OPCML: variants seen among roughly 807,000 people sequenced by gnomAD.
The protein encoded by OPCML is opioid-binding protein/cell adhesion molecule.
In OPCML, 13 loss-of-function variants were observed where a neutral mutation model predicts 37.8. The ratio of observed to expected loss-of-function variants is 0.34; its 90% CI spans 0.22 to 0.55. OPCML has a LOEUF of 0.55. OPCML is among the 20% of genes least tolerant of loss of function. The pLI is 0.91. For missense variants in OPCML, 341 were observed against 435.6 expected, an observed-to-expected ratio of 0.78 and a Z score of 1.93; for synonymous variants, 176 against 168.8, an observed-to-expected ratio of 1.04 and a Z score of -0.33.
intron 2 of OPCML, among the ~76,000 whole-genome samples, chr11:132,914,726 G>A (rs938115388): frequency 2.0e-5 from 3 of 152,188 alleles, no homozygotes; most frequent in Non-Finnish European, 4.4e-5. Context: ...CAGCCACTGA[G>A]TCATGAACAA....
At chr11:133,296,674 G>C (rs2136554271) in intron 1 of OPCML, among the ~76,000 whole-genome samples, 1 of 152,310 alleles carries the variant, frequency 6.6e-6, no homozygotes, top group Non-Finnish European at 1.5e-5. Context: ...GAACAAGGCA[G>C]ATTGACTTTT....
chr11:132,831,804 C>T (rs1433246606), intron 2 of OPCML, among the ~76,000 whole-genome samples: 1 of 151,912 alleles, frequency 6.6e-6, no homozygotes, highest in Non-Finnish European at 1.5e-5. Flanking sequence ...CTGTACAAAC[C>T]TTGTGGCAAT....
intron 1 of OPCML, among the ~76,000 whole-genome samples, chr11:133,434,312 G>C (rs1253524149): frequency 6.6e-6 from 1 of 152,038 alleles, no homozygotes; most frequent in African/African-American, 2.4e-5. Flanking sequence ...GTCCGGAAAA[G>C]TGCTGCCTCC....
At chr11:133,348,252 A>C (rs1944045600) in intron 1 of OPCML, among the ~76,000 whole-genome samples, 1 of 152,180 alleles carries the variant, frequency 6.6e-6, no homozygotes, top group Non-Finnish European at 1.5e-5. Context: ...TTGATTCACC[A>C]GAGCCCAGAT....
At chr11:133,526,667 G>A (rs1194806780) in intron 1 of OPCML, among the ~76,000 whole-genome samples, 2 of 152,168 alleles carry the variant, frequency 1.3e-5, no homozygotes, top group Non-Finnish European at 2.9e-5. Flanking sequence ...TCCAGCAAGT[G>A]GAACTACATC....
intron 1 of OPCML, among the ~76,000 whole-genome samples, chr11:133,022,409 A>G (rs76782628): frequency 0.022 from 3,415 of 152,236 alleles, 50 homozygotes; most frequent in Middle Eastern, 0.068. Flanking sequence ...CGTTACATGG[A>G]TAGACAGTGT....
At position 133,156,877 on chromosome 11, in the gene OPCML, C is replaced by G. The variant is rs192936134; in HGVS notation, c.62-213867G>C. 3.6e-3 allele frequency among the ~76,000 whole-genome samples: 552 copies of G among 152,198 alleles called. 1 individual carries two copies. Among genetic ancestry groups the G allele is most frequent in the Non-Finnish European group, 5.6e-3 (381 of 68,034 alleles). Reference sequence around the variant, plus strand: ...ATTGCCTGAAAACCTGAGTAAGACACCTAAGAGTTTCTCTCTTGCTGGAGC... The same window carrying G: ...ATTGCCTGAAAACCTGAGTAAGACAGCTAAGAGTTTCTCTCTTGCTGGAGC... On this transcript the variant is annotated intron_variant, in intron 1 of 7. Coordinates refer to ENST00000524381, the MANE Select transcript of OPCML (RefSeq NM_001012393.5).
intron 1 of OPCML, chr11:133,024,369 GAACTTAACTCATTA>G: frequency 1.0e-6 from 1 of 985,320 alleles, no homozygotes; most frequent in Non-Finnish European, 1.2e-6. Context: ...CGTGTCCATT[GAACTTAACTCATTA>G]GGATGGAGAC....
chr11:133,044,378 G>A (rs955395987), intron 1 of OPCML, among the ~76,000 whole-genome samples: 1 of 152,204 alleles, frequency 6.6e-6, no homozygotes, highest in Non-Finnish European at 1.5e-5. Flanking sequence ...TGACTCTTGA[G>A]CATGGGGAAC....
intron 4 of OPCML, among the ~76,000 whole-genome samples, chr11:132,516,442 C>T (rs1009881427): frequency 6.6e-6 from 1 of 152,046 alleles, no homozygotes; most frequent in Non-Finnish European, 1.5e-5. Flanking sequence ...GCTACAGGAT[C>T]GATATACGAT....
intron 2 of OPCML, among the ~76,000 whole-genome samples, chr11:132,890,786 A>G (rs1301237259): frequency 2.0e-5 from 3 of 149,354 alleles, no homozygotes; most frequent in African/African-American, 4.9e-5. Context: ...GACCCCGGGA[A>G]GCAGAGCTTG....
At chr11:132,743,822 C>T (rs932146587) in intron 2 of OPCML, among the ~76,000 whole-genome samples, 1 of 152,200 alleles carries the variant, frequency 6.6e-6, no homozygotes, top group Non-Finnish European at 1.5e-5. Context: ...CATTATATCA[C>T]AGTAGCATCT....
chr11:132,460,751 C>T (rs560444714), intron 4 of OPCML, among the ~76,000 whole-genome samples: 1 of 152,306 alleles, frequency 6.6e-6, no homozygotes, highest in African/African-American at 2.4e-5. Flanking sequence ...TTCACAAAGA[C>T]GACCTTGAGT....
chr11:133,445,001 T>C (rs781700609), intron 1 of OPCML, among the ~76,000 whole-genome samples: 3 of 129,416 alleles, frequency 2.3e-5, no homozygotes, highest in Non-Finnish European at 3.1e-5. Flanking sequence ...CCACAGACCA[T>C]ATCCATGGTG....
At chr11:133,309,383 A>G (rs377628901) in intron 1 of OPCML, among the ~76,000 whole-genome samples, 9 of 152,308 alleles carry the variant, frequency 5.9e-5, no homozygotes, top group Admixed American at 3.3e-4. Flanking sequence ...CATCAGTTAA[A>G]TCCCAATTGT....
At chr11:133,494,778 G>A (rs1591563922) in intron 1 of OPCML, among the ~76,000 whole-genome samples, 3 of 145,292 alleles carry the variant, frequency 2.1e-5, no homozygotes, top group South Asian at 2.2e-4. Context: ...GCTAAATGAC[G>A]AGTTAATGGG....
intron 4 of OPCML, among the ~76,000 whole-genome samples, chr11:132,515,285 C>A (rs2096277255): frequency 6.6e-6 from 1 of 152,066 alleles, no homozygotes; most frequent in South Asian, 2.1e-4. Context: ...AAAAATAACA[C>A]AAGGAAGGGG....
intron 2 of OPCML, among the ~76,000 whole-genome samples, chr11:132,749,750 A>T (rs1406191208): frequency 6.6e-6 from 1 of 152,222 alleles, no homozygotes; most frequent in African/African-American, 2.4e-5. Flanking sequence ...AATTCAGCGA[A>T]ATAAAAATAT....
chr11:132,741,915 G>C (rs1421840672), intron 2 of OPCML, among the ~76,000 whole-genome samples: 1 of 151,912 alleles, frequency 6.6e-6, no homozygotes, highest in Non-Finnish European at 1.5e-5. Flanking sequence ...TGTAATCCCA[G>C]CTACTCGGGA....
Sources: allele counts gnomAD v4.1 joint callset (sites outside exome capture counted in the v4.1 genomes callset), GRCh38; gene constraint gnomAD v4.1.1; transcripts MANE v1.5; gene names NCBI Gene and HGNC (gene_info 2026-07-23, HGNC 2026-07-21).